Variants in HPS4 observed in about 807,000 individuals in gnomAD.
HPS4 encodes HPS4 biogenesis of lysosomal organelles complex 3 subunit 2, also known as BLOC-3 complex member HPS4.
HPS4 carries 44 observed loss-of-function variants against 70.3 expected under a neutral mutation model. That is an observed-to-expected ratio of 0.63 (90% confidence interval 0.49 to 0.80). The LOEUF is 0.80. Ranked by LOEUF, HPS4 falls within the 30% of genes least tolerant of loss-of-function variation. The pLI is 0.00. For missense variants in HPS4, 873 were observed against 884.4 expected (o/e 0.99, Z 0.16); for synonymous variants, 377 against 355.9 (o/e 1.06, Z -0.67).
downstream of HPS4, among the ~76,000 whole-genome samples, chr22:26,446,128 G>A (rs1001295468): frequency 6.6e-6 from 1 of 152,200 alleles, no homozygotes; most frequent in Non-Finnish European, 1.5e-5. Context: ...GGAGGCTCAA[G>A]GTGAGAAAGG....
intron 9 of HPS4, 113 bp downstream of exon 9, chr22:26,466,113 A>C (rs1253189319): frequency 2.5e-6 from 4 of 1,610,024 alleles, no homozygotes; most frequent in Non-Finnish European, 3.4e-6. Flanking sequence ...TCCTATTATG[A>C]GCAGAGGAAA....
intron 8 of HPS4, 150 bp downstream of exon 8, chr22:26,468,401 G>A (rs918977873): frequency 2.9e-5 from 21 of 720,430 alleles, no homozygotes; most frequent in Non-Finnish European, 4.8e-5. Context: ...CTTCACTACT[G>A]AGGAGAATGA....
chr22:26,452,864 G>A lies in HPS4; in HGVS notation c.*369C>T, dbSNP rs886057316. 6.4e-5 allele frequency: 20 copies of A among 310,338 alleles called. No individual in the cohort carries two copies. Among genetic ancestry groups the A allele is most frequent in the South Asian group, 4.4e-4 (15 of 33,952 alleles). 19.2% of individuals were successfully genotyped at this position (310,338 alleles called of 1,614,324 possible). A position where few individuals can be genotyped will look rare whatever the true frequency, so the allele number is the denominator to read the frequency against. On this transcript the variant is annotated 3_prime_UTR_variant, in exon 14 of 14. Coordinates refer to ENST00000398145, the MANE Select transcript of HPS4 (RefSeq NM_022081.6). The stretch of plus-strand genomic sequence containing the variant: ...ACACACACACTCTGGGCTAGTGGAC[G>A]ATCAGGTTCTAGAAAAAATGCCAAC...
intron 1 of HPS4, among the ~76,000 whole-genome samples, 160 bp from the exon 2 acceptor site, chr22:26,482,400 C>T (rs1210531436): frequency 6.6e-6 from 1 of 152,192 alleles, no homozygotes; most frequent in Non-Finnish European, 1.5e-5. Flanking sequence ...AGAGTAAGGG[C>T]TTTAGTTTCT....
rs2085186250 is a variant in HPS4 at position 26,451,524 on chromosome 22, GA to G, written c.*1708del. On this transcript the variant is annotated 3_prime_UTR_variant, in exon 14 of 14. Transcript: ENST00000398145. ...TTTTTCTGAGTTAATCCAGGTGCAT[GA>G]GACTTTTCCATATACACGGATAGGC... The G allele has an allele frequency of 6.6e-6, 1 of 152,324 alleles. No individual in the cohort carries two copies. Among genetic ancestry groups the G allele is most frequent in the Middle Eastern group, 3.4e-3 (1 of 294 alleles). 9.4% of individuals were successfully genotyped at this position (152,324 alleles called of 1,614,324 possible). A position where few individuals can be genotyped will look rare whatever the true frequency, so the allele number is the denominator to read the frequency against.
At position 26,470,832 on chromosome 22, in the gene HPS4, A is replaced by T. The variant is rs1236578534; in HGVS notation, c.502-19T>A. 1.2e-6 allele frequency: 2 copies of T among 1,613,924 alleles called. No homozygotes were observed. Among genetic ancestry groups the T allele is most frequent in the Non-Finnish European group, 1.7e-6 (2 of 1,179,832 alleles). The stretch of plus-strand genomic sequence containing the variant: ...GCTCCACCTGTGCAGGGCAAGAGGC[A>T]TCATGCCCACCCATCAGCATGCTCA... On this transcript the variant is annotated intron_variant, in intron 6 of 13. Transcript: ENST00000398145.
At position 26,452,647 on chromosome 22, in the gene HPS4, A is replaced by G. The variant is rs1409419738; in HGVS notation, c.*586T>C. 3 of 256,874 alleles carry G rather than the reference A, an allele frequency of 1.2e-5. No individual in the cohort carries two copies. Among genetic ancestry groups the G allele is most frequent in the Non-Finnish European group, 2.3e-5 (3 of 129,188 alleles). 15.9% of individuals were successfully genotyped at this position (256,874 alleles called of 1,614,324 possible). A position where few individuals can be genotyped will look rare whatever the true frequency, so the allele number is the denominator to read the frequency against. On this transcript the variant is annotated 3_prime_UTR_variant, in exon 14 of 14. Transcript: ENST00000398145. Reference sequence around the variant, plus strand: ...TCCAAAGAAGACGCCCCTAGATTTGAGTAGAGTTCCAACAGAATTCAACCA... The same window carrying G: ...TCCAAAGAAGACGCCCCTAGATTTGGGTAGAGTTCCAACAGAATTCAACCA...
In HPS4 at chr22:26,463,900, G is replaced by C. The variant is rs747323111; in HGVS notation, c.1713+17C>G. 6 of 1,611,396 alleles carry C rather than the reference G, an allele frequency of 3.7e-6. No individual in the cohort carries two copies. Among genetic ancestry groups the C allele is most frequent in the Non-Finnish European group, 5.1e-6 (6 of 1,179,506 alleles). On this transcript the variant is annotated intron_variant, in intron 11 of 13. Coordinates refer to ENST00000398145, the MANE Select transcript of HPS4 (RefSeq NM_022081.6). ...CAGAGGCCGCAGAGGGGCAGGAGAA[G>C]GTCTGAGGACACTCACCACTTCCTC...
chr22:26,463,332 T>C (rs2087707826), intron 11 of HPS4, among the ~76,000 whole-genome samples: 1 of 152,186 alleles, frequency 6.6e-6, no homozygotes, highest in South Asian at 2.1e-4. Context: ...AGGGAAACAC[T>C]GGGTTTCTAG....
chr22:26,450,881 C>G (rs1222990634), downstream of HPS4, among the ~76,000 whole-genome samples: 2 of 152,224 alleles, frequency 1.3e-5, no homozygotes, highest in Non-Finnish European at 1.5e-5. Flanking sequence ...AGTTAAACCT[C>G]TTTCCTTTAT....
intron 11 of HPS4, among the ~76,000 whole-genome samples, chr22:26,458,991 A>G (rs1051309359): frequency 6.6e-6 from 1 of 152,192 alleles, no homozygotes; most frequent in Non-Finnish European, 1.5e-5. Context: ...ACAAGAAAAC[A>G]ACCCATCATT....
chr22:26,446,104 C>T (rs183328693), downstream of HPS4, among the ~76,000 whole-genome samples: 1 of 152,324 alleles, frequency 6.6e-6, no homozygotes, highest in African/African-American at 2.4e-5. Flanking sequence ...AGCTAATTTA[C>T]GTGTTGTAGC....
rs1385173804 is a variant in HPS4 at position 26,476,931 on chromosome 22, CA to C, written c.276+61del. ...TAATTCTAAATTCAAGACTCAGAAACAACATAACTTCCTAAACTTATCATTG... is the reference window on the plus strand; with the variant it reads ...TAATTCTAAATTCAAGACTCAGAAACACATAACTTCCTAAACTTATCATTG... On this transcript the variant is annotated intron_variant, in intron 4 of 13. Transcript: ENST00000398145. The C allele has an allele frequency of 1.7e-5, 27 of 1,575,330 alleles. No individual in the cohort carries two copies. The African/African-American group carries it at 2.8e-4, about 17-fold the overall frequency.
Position 26,465,565 on chromosome 22 carries a change from G to T in HPS4, c.707-14C>A. Reference sequence around the variant, plus strand: ...GCAATGCCGCTCCTGGAATTGCAAAGCAATATGAACAGGACTTTCCCCTGA... The same window carrying T: ...GCAATGCCGCTCCTGGAATTGCAAATCAATATGAACAGGACTTTCCCCTGA... On this transcript the variant is annotated splice_polypyrimidine_tract_variant and intron_variant, in intron 9 of 13. Transcript: ENST00000398145. 6.2e-7 allele frequency: 1 copy of T among 1,607,868 alleles called. No individual in the cohort carries two copies. Among genetic ancestry groups the T allele is most frequent in the Non-Finnish European group, 8.5e-7 (1 of 1,174,572 alleles).
At position 26,464,439 on chromosome 22, in the gene HPS4, G is replaced by T. The variant is rs1445464187; in HGVS notation, c.1191C>A (p.Gly397=). 2 of 1,614,200 alleles carry T rather than the reference G, an allele frequency of 1.2e-6. No homozygotes were observed. The highest frequency in any genetic ancestry group is 1.1e-5 in the South Asian group (1 of 91,086). Residue 397 remains glycine, a synonymous_variant, in exon 11 of 14, where the codon GGC becomes GGA. Coordinates refer to ENST00000398145, the MANE Select transcript of HPS4 (RefSeq NM_022081.6). ...GAGATGCCTTGCAGTAAGGAGCCCTGCCATCTGGAACAGGCACATGTAGGA... is the reference window on the plus strand; with the variant it reads ...GAGATGCCTTGCAGTAAGGAGCCCTTCCATCTGGAACAGGCACATGTAGGA... The part of the protein sequence containing the change: ...FAFLHVPVPD[G]RAPYCKASLS...
Position 26,482,171 on chromosome 22 carries a change from G to C in HPS4, c.-409C>G. 1 of 244,624 alleles carries C rather than the reference G, an allele frequency of 4.1e-6. No homozygotes were observed. The allele number at this position is 244,624 out of a possible 1,614,324, so 15.2% of individuals were successfully genotyped here. On this transcript the variant is annotated 5_prime_UTR_variant, in exon 2 of 14. Coordinates refer to ENST00000398145, the MANE Select transcript of HPS4 (RefSeq NM_022081.6). ...TCTAAAGAAATTTCTAGCTTGTCTA[G>C]TTCAAACCCATCCTGAAGACTCTTA...
At chr22:26,459,815 G>T (rs2086889869) in intron 11 of HPS4, among the ~76,000 whole-genome samples, 1 of 152,212 alleles carries the variant, frequency 6.6e-6, no homozygotes, top group African/African-American at 2.4e-5. Flanking sequence ...ACTCTAAAGT[G>T]CTATCCTGAG....
intron 7 of HPS4, among the ~76,000 whole-genome samples, chr22:26,470,188 G>C (rs2089555071): frequency 6.6e-6 from 1 of 152,230 alleles, no homozygotes. Flanking sequence ...TGGGCACTCA[G>C]ATTCACCAAG....
chr22:26,476,858 G>A (rs1272269395), intron 4 of HPS4, 135 bp downstream of exon 4: 11 of 907,304 alleles, frequency 1.2e-5, no homozygotes, highest in South Asian at 5.5e-5. Flanking sequence ...CACAGGAAGC[G>A]AGGGTGATTA....
Sources: allele counts gnomAD v4.1 joint callset (sites outside exome capture counted in the v4.1 genomes callset), GRCh38; gene constraint gnomAD v4.1.1; transcripts MANE v1.5; gene names NCBI Gene and HGNC (gene_info 2026-07-23, HGNC 2026-07-21).